Variants in MED12L observed in about 807,000 individuals in gnomAD.
The protein encoded by MED12L is mediator of RNA polymerase II transcription subunit 12-like protein.
In MED12L, 60 loss-of-function variants were observed where a neutral mutation model predicts 281.3. The observed-to-expected ratio is 0.21, with a 90% CI of 0.17 to 0.26. MED12L has a LOEUF of 0.26. Ranked by LOEUF, MED12L falls within the 10% of genes least tolerant of loss-of-function variation. The pLI is 1.00. For missense variants in MED12L, 2,146 were observed against 2,680.9 expected (o/e 0.80, Z 4.41); for synonymous variants, 974 against 987.2 (o/e 0.99, Z 0.25).
At chr3:151,133,131 A>G (rs2567324) in intron 5 of MED12L, among the ~76,000 whole-genome samples, 49 of 152,364 alleles carry the variant, frequency 3.2e-4, no homozygotes, top group Admixed American at 3.9e-4. Flanking sequence ...GATGATTGTT[A>G]TTAGGATTTG....
chr3:151,305,207 T>TCCAGGA (rs748437111), intron 16 of MED12L, among the ~76,000 whole-genome samples: 23 of 152,238 alleles, frequency 1.5e-4, no homozygotes, highest in Non-Finnish European at 2.5e-4. Flanking sequence ...AGGGCTTGGT[T>TCCAGGA]CCAGGACCTG....
chr3:151,379,591 G>T (rs1577503470), intron 31 of MED12L, among the ~76,000 whole-genome samples: 1 of 152,154 alleles, frequency 6.6e-6, no homozygotes, highest in African/African-American at 2.4e-5. Context: ...GGAGTCCTCA[G>T]CCCTGGCTGA....
chr3:151,122,159 C>T (rs1029561997), intron 3 of MED12L, among the ~76,000 whole-genome samples: 9 of 152,112 alleles, frequency 5.9e-5, no homozygotes, highest in African/African-American at 2.2e-4. Context: ...GCCACTTTGC[C>T]TCATTCAGAG....
At chr3:151,110,680 G>T (rs921643301) in intron 2 of MED12L, among the ~76,000 whole-genome samples, 1 of 152,106 alleles carries the variant, frequency 6.6e-6, no homozygotes, top group Non-Finnish European at 1.5e-5. Context: ...TGGCTCTGTG[G>T]CCCTAGTGTT....
At chr3:151,207,762 A>C (rs1375120577) in intron 16 of MED12L, among the ~76,000 whole-genome samples, 1 of 152,166 alleles carries the variant, frequency 6.6e-6, no homozygotes, top group East Asian at 1.9e-4. Context: ...AGGATCTGAA[A>C]TTACATGGGA....
intron 15 of MED12L, 131 bp from the exon 16 acceptor site, chr3:151,193,359 A>G (rs1453839690): frequency 7.9e-6 from 5 of 629,822 alleles, no homozygotes; most frequent in South Asian, 6.8e-5. Flanking sequence ...ATTTCTTCAT[A>G]TTTTTTTGCT....
chr3:151,394,004 C>T (rs927294284), intron 38 of MED12L, among the ~76,000 whole-genome samples: 16 of 151,914 alleles, frequency 1.1e-4, no homozygotes, highest in South Asian at 2.1e-4. Context: ...CTTTTAAATG[C>T]GCGTGACAAA....
intron 16 of MED12L, among the ~76,000 whole-genome samples, chr3:151,334,889 G>A (rs963522692): frequency 2.7e-4 from 41 of 152,218 alleles, no homozygotes; most frequent in African/African-American, 6.7e-4. Context: ...CAGCTCTGTC[G>A]TAGCATGAAA....
In MED12L at chr3:151,376,787, C is replaced by G; in HGVS notation, c.4054-13C>G. ...GATACCCATAATGTTTTAATTCTTTCCATTTTTCCCAGAATCTTGAGCAGT... is the reference window on the plus strand; with the variant it reads ...GATACCCATAATGTTTTAATTCTTTGCATTTTTCCCAGAATCTTGAGCAGT... On this transcript the variant is annotated splice_polypyrimidine_tract_variant and intron_variant, in intron 28 of 44. Coordinates refer to ENST00000687756, the MANE Select transcript of MED12L (RefSeq NM_001393769.1). 5 of 1,609,866 alleles carry G rather than the reference C, an allele frequency of 3.1e-6. No homozygotes were observed. The highest frequency in any genetic ancestry group is 2.2e-5 in the South Asian group (2 of 90,846).
intron 16 of MED12L, chr3:151,294,736 AG>A (rs1476748369): frequency 6.2e-7 from 1 of 1,614,060 alleles, no homozygotes; most frequent in Non-Finnish European, 8.5e-7. Flanking sequence ...AAGACAAAAC[AG>A]CCATGATCAC....
chr3:151,263,102 G>T (rs578025823), intron 16 of MED12L, among the ~76,000 whole-genome samples: 1 of 152,282 alleles, frequency 6.6e-6, no homozygotes, highest in South Asian at 2.1e-4. Flanking sequence ...TGACGAGTGA[G>T]GATTAGGACA....
At position 151,433,077 on chromosome 3, in the gene MED12L, C is replaced by A; in HGVS notation, c.*273C>A. ...CTCCCGGAAGAGTGTGCTAGCAGAC[C>A]TTTTGAAATTGGTGCTTTTTTTGAA... On this transcript the variant is annotated 3_prime_UTR_variant, in exon 45 of 45. Transcript: ENST00000687756. 3.1e-6 allele frequency: 1 copy of A among 327,270 alleles called. No individual in the cohort carries two copies. The highest frequency in any genetic ancestry group is 5.6e-6 in the Non-Finnish European group (1 of 179,456). The allele number at this position is 327,270 out of a possible 1,614,324, so 20.3% of individuals were successfully genotyped here.
chr3:151,406,643 T>C (rs2108326824), intron 39 of MED12L, among the ~76,000 whole-genome samples: 1 of 152,270 alleles, frequency 6.6e-6, no homozygotes, highest in South Asian at 2.1e-4. Context: ...AGGTGGAAAA[T>C]GTTAGGGTGT....
intron 16 of MED12L, among the ~76,000 whole-genome samples, chr3:151,270,604 C>G (rs1457545479): frequency 6.6e-6 from 1 of 152,096 alleles, no homozygotes; most frequent in African/African-American, 2.4e-5. Context: ...CAACATGTAT[C>G]TGTCTACTTT....
intron 5 of MED12L, among the ~76,000 whole-genome samples, chr3:151,136,393 CT>C (rs1716145459): frequency 6.6e-6 from 1 of 152,256 alleles, no homozygotes; most frequent in Admixed American, 6.5e-5. Flanking sequence ...AGTGTTCCTT[CT>C]ATCTCATTTG....
In MED12L at chr3:151,195,613, GC is replaced by G. The variant is rs1191322369; in HGVS notation, c.2250+1949del. Among the ~76,000 whole-genome samples, 3 of 152,296 alleles carry G rather than the reference GC, an allele frequency of 2.0e-5. No individual in the cohort carries two copies. The East Asian group carries it at 5.8e-4, about 29-fold the overall frequency. The stretch of plus-strand genomic sequence containing the variant: ...TTTATTTAGGGGAGCAGAAAGAGTA[GC>G]CTTATATTTTAGAGATGTATCCTGA... On this transcript the variant is annotated intron_variant, in intron 16 of 44. Transcript: ENST00000687756.
chr3:151,155,556 G>A (rs1719163785), intron 5 of MED12L, among the ~76,000 whole-genome samples: 1 of 152,182 alleles, frequency 6.6e-6, no homozygotes, highest in Admixed American at 6.5e-5. Flanking sequence ...CCATGCGGGT[G>A]TCCCTGACAC....
intron 5 of MED12L, among the ~76,000 whole-genome samples, chr3:151,148,593 G>T (rs1041627104): frequency 6.6e-6 from 1 of 152,152 alleles, no homozygotes; most frequent in East Asian, 1.9e-4. Context: ...CCAAGGAAAT[G>T]AATTTCTCCA....
intron 42 of MED12L, among the ~76,000 whole-genome samples, chr3:151,415,192 C>A (rs1309172601): frequency 6.6e-6 from 1 of 152,154 alleles, no homozygotes; most frequent in Non-Finnish European, 1.5e-5. Context: ...TACTTTTTAT[C>A]CTAATTAGCA....
Sources: allele counts gnomAD v4.1 joint callset (sites outside exome capture counted in the v4.1 genomes callset), GRCh38; gene constraint gnomAD v4.1.1; transcripts MANE v1.5; gene names NCBI Gene and HGNC (gene_info 2026-07-23, HGNC 2026-07-21).